The following GUF1 variants were observed in gnomAD, a reference collection of about 807,000 sequenced individuals.
GUF1 encodes the protein translation factor GUF1, mitochondrial.
In GUF1, 78 loss-of-function variants were observed where a neutral mutation model predicts 82.4. The observed-to-expected ratio is 0.95, with a 90% CI of 0.79 to 1.14. The LOEUF is 1.14. Among genes scored for constraint, GUF1 ranks in the 50% most tolerant of loss-of-function variants. GUF1 has a pLI of 0.00. For synonymous variants in GUF1, 279 were observed against 282.3 expected (o/e 0.99, Z 0.12); for missense variants, 814 against 798.2 (o/e 1.02, Z -0.24).
At chr4:44,696,211 ATT>A (rs1202283342) in intron 15 of GUF1, among the ~76,000 whole-genome samples, 5 of 152,184 alleles carry the variant, frequency 3.3e-5, no homozygotes, top group African/African-American at 1.2e-4. Flanking sequence ...TAGGATTTGC[ATT>A]CTAGATTAGG....
chr4:44,700,601 T>A lies in GUF1; in HGVS notation c.*1920T>A, dbSNP rs934298213. ...AAAACCAAGCTGTGCCCCAACCACCTTGGGCACATGTGGTGAGGACCTCCT... is the reference window on the plus strand; with the variant it reads ...AAAACCAAGCTGTGCCCCAACCACCATGGGCACATGTGGTGAGGACCTCCT... On this transcript the variant is annotated 3_prime_UTR_variant, in exon 17 of 17. Transcript: ENST00000281543. 3.9e-5 allele frequency: 6 copies of A among 152,178 alleles called. No individual in the cohort carries two copies. Among genetic ancestry groups the A allele is most frequent in the African/African-American group, 1.4e-4 (6 of 41,434 alleles). The allele number at this position is 152,178 out of a possible 1,614,324, so 9.4% of individuals were successfully genotyped here.
Position 44,690,765 on chromosome 4 carries a change from G to T in GUF1, c.1384G>T (p.Asp462Tyr). 1.4e-5 allele frequency: 22 copies of T among 1,596,900 alleles called. No individual in the cohort carries two copies. Among genetic ancestry groups the T allele is most frequent in the Non-Finnish European group, 1.9e-5 (22 of 1,166,008 alleles). The stretch of plus-strand genomic sequence containing the variant: ...AATTATCAATCCTGCACAATTCCCC[G>T]ATAAATCAAAAGTAACAGAATATTT... ...ITIINPAQFP[D>Y]KSKVTEYLEP... Residue 462 changes from aspartate to tyrosine, a missense_variant, in exon 12 of 17, where the codon GAT becomes TAT. By Grantham distance (160) the Asp-to-Tyr change is radical (BLOSUM62 -3). Coordinates refer to ENST00000281543, the MANE Select transcript of GUF1 (RefSeq NM_021927.3).
chr4:44,682,433 T>G, intron 5 of GUF1, 22 bp downstream of exon 5: 1 of 1,338,528 alleles, frequency 7.5e-7, no homozygotes, highest in Non-Finnish European at 1.0e-6. Context: ...GAGACAACAG[T>G]GTTGCTATTT....
chr4:44,689,742 A>T, intron 10 of GUF1, 101 bp from the exon 11 acceptor site: 1 of 966,400 alleles, frequency 1.0e-6, no homozygotes, highest in Non-Finnish European at 1.5e-6. Context: ...TGAATGACTT[A>T]ATTCCATCCC....
intron 6 of GUF1, 74 bp downstream of exon 6, chr4:44,683,392 A>G: frequency 3.7e-6 from 3 of 802,174 alleles, no homozygotes; most frequent in Non-Finnish European, 6.0e-6. Context: ...ATTTCATGGT[A>G]TTTGATAACC....
At position 44,688,166 on chromosome 4, in the gene GUF1, A is replaced by C; in HGVS notation, c.1078+20A>C. ...TTGCAGGTGAGGAGTTCACAAATTC[A>C]AAGGTTGAGGGCCATGATATTTTTA... On this transcript the variant is annotated intron_variant, in intron 9 of 16. Transcript: ENST00000281543. 1 of 1,600,148 alleles carries C rather than the reference A, an allele frequency of 6.2e-7. No homozygotes were observed. The highest frequency in any genetic ancestry group is 8.5e-7 in the Non-Finnish European group (1 of 1,173,710).
intron 14 of GUF1, among the ~76,000 whole-genome samples, chr4:44,695,356 C>T (rs1239810855): frequency 1.3e-5 from 2 of 152,036 alleles, no homozygotes; most frequent in Non-Finnish European, 1.5e-5. Context: ...AATGTTTAAC[C>T]GTTTTCAGCG....
rs1714556967 is a variant in GUF1 at position 44,678,518 on chromosome 4, T to C, written c.-105T>C. The C allele has an allele frequency of 3.4e-6, 3 of 895,138 alleles. No individual in the cohort carries two copies. Among genetic ancestry groups the C allele is most frequent in the Non-Finnish European group, 4.7e-6 (3 of 642,246 alleles). 55.4% of individuals were successfully genotyped at this position (895,138 alleles called of 1,614,324 possible). ...ATTGTCTTCGCTTCACAGGATCTGT[T>C]TGAGTCCTGTCCACCGGATCCTACG... On this transcript the variant is annotated 5_prime_UTR_variant, in exon 1 of 17. Coordinates refer to ENST00000281543, the MANE Select transcript of GUF1 (RefSeq NM_021927.3).
chr4:44,678,529 C>G lies in GUF1; in HGVS notation c.-94C>G. 18 of 1,032,094 alleles carry G rather than the reference C, an allele frequency of 1.7e-5. No individual in the cohort carries two copies. The highest frequency in any genetic ancestry group is 2.4e-5 in the Non-Finnish European group (18 of 759,918). 63.9% of individuals were successfully genotyped at this position (1,032,094 alleles called of 1,614,324 possible). A position where few individuals can be genotyped will look rare whatever the true frequency, so the allele number is the denominator to read the frequency against. ...TTCACAGGATCTGTTTGAGTCCTGT[C>G]CACCGGATCCTACGGGGGGTACCTT... On this transcript the variant is annotated 5_prime_UTR_variant, in exon 1 of 17. Coordinates refer to ENST00000281543, the MANE Select transcript of GUF1 (RefSeq NM_021927.3).
chr4:44,687,110 A>G (rs1003463216), intron 8 of GUF1, among the ~76,000 whole-genome samples: 1 of 152,030 alleles, frequency 6.6e-6, no homozygotes, highest in African/African-American at 2.4e-5. Context: ...TGTGGAATTC[A>G]TGGTAAAACC....
chr4:44,689,260 A>T, intron 9 of GUF1, 26 bp from the exon 10 acceptor site: 2 of 1,544,670 alleles, frequency 1.3e-6, no homozygotes, highest in Non-Finnish European at 1.8e-6. Context: ...TTATCACGTG[A>T]TAATTAGAAA....
At chr4:44,685,882 A>G (rs1715015669) in intron 6 of GUF1, 77 bp from the exon 7 acceptor site, 2 of 954,890 alleles carry the variant, frequency 2.1e-6, no homozygotes, top group South Asian at 1.4e-5. Context: ...CCTTCTGATC[A>G]TAAGTCACAG....
chr4:44,688,645 G>C (rs1178192636), intron 9 of GUF1, among the ~76,000 whole-genome samples: 1 of 151,842 alleles, frequency 6.6e-6, no homozygotes, highest in Non-Finnish European at 1.5e-5. Flanking sequence ...AAGGTCATCA[G>C]GTTACTCTGT....
chr4:44,699,866 C>G lies in GUF1; in HGVS notation c.*1185C>G, dbSNP rs1245294909. On this transcript the variant is annotated 3_prime_UTR_variant, in exon 17 of 17. Coordinates refer to ENST00000281543, the MANE Select transcript of GUF1 (RefSeq NM_021927.3). ...TAAAATGACAGGTGTTTGGTATTAC[C>G]AGGAACTCATAATGACATTTTAATA... The G allele has an allele frequency of 1.3e-5, 2 of 152,122 alleles. No individual in the cohort carries two copies. The highest frequency in any genetic ancestry group is 3.9e-4 in the East Asian group (2 of 5,184). The allele number at this position is 152,122 out of a possible 1,614,324, so 9.4% of individuals were successfully genotyped here. A position where few individuals can be genotyped will look rare whatever the true frequency, so the allele number is the denominator to read the frequency against.
intron 15 of GUF1, 66 bp from the exon 16 acceptor site, chr4:44,697,342 G>T: frequency 2.2e-6 from 2 of 912,784 alleles, no homozygotes; most frequent in South Asian, 1.9e-5. Context: ...GATTGTTTTT[G>T]GTAAGGAAGT....
rs3833629 is a variant in GUF1 at position 44,678,519 on chromosome 4, TGA to T, written c.-102_-101del. ...TTGTCTTCGCTTCACAGGATCTGTT[TGA>T]GTCCTGTCCACCGGATCCTACGGGG... On this transcript the variant is annotated 5_prime_UTR_variant, in exon 1 of 17. Coordinates refer to ENST00000281543, the MANE Select transcript of GUF1 (RefSeq NM_021927.3). 0.051 allele frequency: 46,999 copies of T among 920,334 alleles called. 1,545 individuals carry two copies. Among genetic ancestry groups the T allele is most frequent in the East Asian group, 0.14 (4,285 of 30,270 alleles). 57.0% of individuals were successfully genotyped at this position (920,334 alleles called of 1,614,324 possible).
chr4:44,685,104 A>T (rs545050243), intron 6 of GUF1, among the ~76,000 whole-genome samples: 4 of 152,158 alleles, frequency 2.6e-5, no homozygotes, highest in Non-Finnish European at 5.9e-5. Context: ...AAGCTGATGG[A>T]CAGCATCAAG....
intron 9 of GUF1, 44 bp downstream of exon 9, chr4:44,688,190 TA>T: frequency 6.4e-7 from 1 of 1,562,976 alleles, no homozygotes; most frequent in Non-Finnish European, 8.6e-7. Context: ...ATGATATTTT[TA>T]AACTAAAAGT....
intron 15 of GUF1, among the ~76,000 whole-genome samples, chr4:44,696,816 C>G (rs1417306720): frequency 6.6e-6 from 1 of 152,102 alleles, no homozygotes; most frequent in East Asian, 1.9e-4. Context: ...ATTGCTCATT[C>G]TAAAATAAGT....
Sources: allele counts gnomAD v4.1 joint callset (sites outside exome capture counted in the v4.1 genomes callset), GRCh38; gene constraint gnomAD v4.1.1; transcripts MANE v1.5; gene names NCBI Gene and HGNC (gene_info 2026-07-23, HGNC 2026-07-21).